RAB6A: variants seen among roughly 807,000 people sequenced by gnomAD.
RAB6A encodes the protein ras-related protein Rab-6A.
Under a neutral mutation model 32.3 loss-of-function variants are expected in RAB6A, and 8 were observed. The observed-to-expected ratio is 0.25, with a 90% confidence interval of 0.15 to 0.45. The LOEUF is 0.45. Ranked by LOEUF, RAB6A falls within the 20% of genes least tolerant of loss-of-function variation. The pLI, the probability that RAB6A is intolerant of heterozygous loss-of-function variation, is 1.00. For synonymous variants in RAB6A, 73 were observed against 82.1 expected, an observed-to-expected ratio of 0.89 and a Z score of 0.60; for missense variants, 104 against 249.4, an observed-to-expected ratio of 0.42 and a Z score of 3.93.
At chr11:73,694,889 G>A (rs906872080) in intron 6 of RAB6A, among the ~76,000 whole-genome samples, 2 of 152,094 alleles carry the variant, frequency 1.3e-5, no homozygotes, top group African/African-American at 2.4e-5. Context: ...GGTGGCACAC[G>A]CGTGCAATCC....
intron 1 of RAB6A, among the ~76,000 whole-genome samples, chr11:73,737,528 A>G (rs1487431969): frequency 6.6e-6 from 1 of 152,172 alleles, no homozygotes; most frequent in South Asian, 2.1e-4. Context: ...AATCATTATA[A>G]CATATGGCAA....
chr11:73,683,057 C>A (rs996707895), intron 6 of RAB6A, among the ~76,000 whole-genome samples: 1 of 152,076 alleles, frequency 6.6e-6, no homozygotes, highest in African/African-American at 2.4e-5. Context: ...CAAAAGTGTT[C>A]TCCCACCAAT....
intron 4 of RAB6A, among the ~76,000 whole-genome samples, chr11:73,717,906 A>G (rs1214686661): frequency 1.3e-5 from 2 of 152,186 alleles, no homozygotes; most frequent in Non-Finnish European, 2.9e-5. Flanking sequence ...ATCAGAAAGC[A>G]TTTTCTTGTC....
At chr11:73,679,949 T>C (rs1019312447) in intron 6 of RAB6A, among the ~76,000 whole-genome samples, 4 of 151,848 alleles carry the variant, frequency 2.6e-5, no homozygotes, top group Non-Finnish European at 5.9e-5. Context: ...AACACAAAAA[T>C]TAGCCAGGCG....
chr11:73,731,109 C>CGT (rs757438982), intron 1 of RAB6A, among the ~76,000 whole-genome samples: 2 of 151,898 alleles, frequency 1.3e-5, no homozygotes, highest in African/African-American at 2.4e-5. Context: ...CAAGTAAACA[C>CGT]TTACTTGGCC....
chr11:73,680,369 G>A (rs1247265008), intron 6 of RAB6A, among the ~76,000 whole-genome samples: 1 of 152,124 alleles, frequency 6.6e-6, no homozygotes, highest in Non-Finnish European at 1.5e-5. Flanking sequence ...AAAGAGTGAG[G>A]TTCAGGGCTG....
intron 6 of RAB6A, among the ~76,000 whole-genome samples, chr11:73,705,317 G>A (rs1945820845): frequency 6.6e-6 from 1 of 152,198 alleles, no homozygotes; most frequent in Non-Finnish European, 1.5e-5. Flanking sequence ...GGAGACAGAG[G>A]CAGGCAGATC....
chr11:73,760,214 G>C, intron 1 of RAB6A: 2 of 886,598 alleles, frequency 2.3e-6, no homozygotes, highest in South Asian at 1.4e-5. Flanking sequence ...ATAAGGGTGG[G>C]GCTCAAGAAA....
intron 5 of RAB6A, among the ~76,000 whole-genome samples, chr11:73,713,439 G>A (rs1380395271): frequency 6.6e-6 from 1 of 152,030 alleles, no homozygotes; most frequent in African/African-American, 2.4e-5. Flanking sequence ...GCATGCTGGC[G>A]GGTGCCTAGT....
In RAB6A at chr11:73,736,747, G is replaced by A. The variant is rs141662626; in HGVS notation, c.71-5924C>T. Among the ~76,000 whole-genome samples, 1,483 of 148,794 alleles carry A rather than the reference G, an allele frequency of 1.0e-2. 24 individuals carry two copies. Among genetic ancestry groups the A allele is most frequent in the African/African-American group, 0.035 (1,400 of 40,390 alleles). ...GCAAAGGTTACAGTGAGCCAAGACT[G>A]TGCCACTGCACTCCAGCCTGTGCAA... On this transcript the variant is annotated intron_variant, in intron 1 of 7. Coordinates refer to ENST00000336083, the MANE Select transcript of RAB6A (RefSeq NM_198896.2).
intron 6 of RAB6A, among the ~76,000 whole-genome samples, chr11:73,685,286 C>CTTTTTTTTT (rs750488240): frequency 1.7e-5 from 2 of 117,264 alleles, no homozygotes; most frequent in Non-Finnish European, 3.4e-5. Flanking sequence ...TATAGAAAGT[C>CTTTTTTTTT]TTTTTTTTTT....
intron 1 of RAB6A, among the ~76,000 whole-genome samples, chr11:73,746,125 T>C (rs1946584736): frequency 6.7e-6 from 1 of 149,294 alleles, no homozygotes; most frequent in African/African-American, 2.5e-5. Context: ...GCCCAGGGAG[T>C]TCAAGAGCAG....
chr11:73,757,121 ATATATATATTTTTTTTTTTTTTTTT>A, intron 1 of RAB6A, among the ~76,000 whole-genome samples: 1 of 47,724 alleles, frequency 2.1e-5, no homozygotes, highest in African/African-American at 1.0e-4. Flanking sequence ...ATATATATAT[ATATATATATTTTTTTTTTTTTTTTT>A]TTTTTTTTTT....
intron 2 of RAB6A, among the ~76,000 whole-genome samples, chr11:73,725,901 C>G (rs1302401378): frequency 6.6e-6 from 1 of 152,122 alleles, no homozygotes. Context: ...GCCAATAATC[C>G]CAGCACTTTA....
At chr11:73,744,511 CAAAAAAAAAAAAAAAAAAAAAAAAA>C (rs555388622) in intron 1 of RAB6A, among the ~76,000 whole-genome samples, 3 of 63,748 alleles carry the variant, frequency 4.7e-5, no homozygotes, top group South Asian at 5.9e-4. Context: ...ACCCTGTCTC[CAAAAAAAAAAAAAAAAAAAAAAAAA>C]AAAAAAAAAA....
At chr11:73,709,961 A>AT (rs776254550) in intron 5 of RAB6A, among the ~76,000 whole-genome samples, 11 of 81,758 alleles carry the variant, frequency 1.3e-4, no homozygotes, top group African/African-American at 3.9e-4. Flanking sequence ...ATATATATAT[A>AT]TTTTTTTTTT....
chr11:73,743,017 T>A (rs1055261240), intron 1 of RAB6A, among the ~76,000 whole-genome samples: 2 of 151,108 alleles, frequency 1.3e-5, no homozygotes, highest in African/African-American at 4.9e-5. Context: ...AAGAAAGCAC[T>A]GTAAGGCCAA....
chr11:73,751,130 AAG>A (rs1946663984), intron 1 of RAB6A, among the ~76,000 whole-genome samples: 1 of 152,050 alleles, frequency 6.6e-6, no homozygotes, highest in Non-Finnish European at 1.5e-5. Flanking sequence ...TAAAAAAGAA[AAG>A]AGTCAGGCTC....
At chr11:73,723,655 T>C (rs1179065052) in intron 2 of RAB6A, among the ~76,000 whole-genome samples, 2 of 152,164 alleles carry the variant, frequency 1.3e-5, no homozygotes, top group Non-Finnish European at 2.9e-5. Context: ...GATTGCCTAC[T>C]AGGCACCATC....
Sources: allele counts gnomAD v4.1 joint callset (sites outside exome capture counted in the v4.1 genomes callset), GRCh38; gene constraint gnomAD v4.1.1; transcripts MANE v1.5; gene names NCBI Gene and HGNC (gene_info 2026-07-23, HGNC 2026-07-21).